The following SLC14A2 variants were observed in gnomAD, a reference collection of about 807,000 sequenced individuals.
SLC14A2 encodes solute carrier family 14 member 2.
In SLC14A2, 91 loss-of-function variants were observed where a neutral mutation model predicts 104.6. The observed-to-expected ratio is 0.87, with a 90% confidence interval of 0.73 to 1.04. The LOEUF (loss-of-function observed/expected upper bound fraction) is 1.04, where lower values mean the gene tolerates loss of function less well. Ranked by LOEUF, SLC14A2 falls within the 50% of genes least tolerant of loss-of-function variation. The pLI, the probability that SLC14A2 is intolerant of heterozygous loss-of-function variation, is 0.00. For missense variants in SLC14A2, 1,189 were observed against 1,156.0 expected (o/e 1.03, Z -0.41); for synonymous variants, 476 against 466.4 (o/e 1.02, Z -0.27).
chr18:45,168,863 T>G, the SLC14A2 span: 1 of 152,292 alleles, frequency 6.6e-6, no homozygotes, highest in East Asian at 1.9e-4. Context: ...TCTCCTGCTC[T>G]CTATATATTA....
chr18:45,353,023 TTTCA>T (rs995397514), intron 1 of SLC14A2, among the ~76,000 whole-genome samples: 4 of 152,310 alleles, frequency 2.6e-5, no homozygotes, highest in Admixed American at 2.6e-4. Flanking sequence ...TTGGCCTTTG[TTTCA>T]TTTGAATACA....
intron 1 of SLC14A2, among the ~76,000 whole-genome samples, chr18:45,394,712 G>A (rs139382651): frequency 6.7e-6 from 1 of 149,672 alleles, no homozygotes; most frequent in African/African-American, 2.4e-5. Flanking sequence ...TGGGTTTTTT[G>A]TTGTTGTTGT....
chr18:45,589,225 G>T (rs1249727238), intron 2 of SLC14A2, among the ~76,000 whole-genome samples: 1 of 151,120 alleles, frequency 6.6e-6, no homozygotes. Flanking sequence ...TATTTGTAGG[G>T]GATTTACTGC....
At chr18:45,193,709 T>A in the SLC14A2 span, among the ~76,000 whole-genome samples, 1 of 152,198 alleles carries the variant, frequency 6.6e-6, no homozygotes, top group Non-Finnish European at 1.5e-5. Flanking sequence ...TCTTTGTATT[T>A]CCAGACAAAT....
intron 19 of SLC14A2, 56 bp from the exon 20 acceptor site, chr18:45,682,263 T>C: frequency 3.3e-6 from 5 of 1,528,114 alleles, no homozygotes; most frequent in Non-Finnish European, 3.6e-6. Context: ...TAAGGGCTGA[T>C]TAAAATGCAC....
intron 1 of SLC14A2, among the ~76,000 whole-genome samples, chr18:45,257,823 C>G (rs1270682117): frequency 6.6e-6 from 1 of 152,100 alleles, no homozygotes; most frequent in Non-Finnish European, 1.5e-5. Context: ...GGATTTCTCC[C>G]AAGTTTCAAA....
chr18:45,444,637 T>C (rs2086734168), intron 1 of SLC14A2, among the ~76,000 whole-genome samples: 2 of 152,376 alleles, frequency 1.3e-5, no homozygotes, highest in Admixed American at 6.5e-5. Flanking sequence ...GTGAATATGA[T>C]GAATTAGGCT....
At chr18:45,627,241 C>A (rs143574279) in intron 4 of SLC14A2, 94 bp downstream of exon 4, 4 of 1,136,660 alleles carry the variant, frequency 3.5e-6, no homozygotes, top group African/African-American at 1.5e-5. Flanking sequence ...ACCCTCCCAG[C>A]CAGCCAAAGT....
intron 1 of SLC14A2, among the ~76,000 whole-genome samples, chr18:45,344,999 C>T (rs908102732): frequency 7.9e-5 from 12 of 152,158 alleles, no homozygotes; most frequent in African/African-American, 2.9e-4. Flanking sequence ...GCGTGCTGTC[C>T]CTGTGTCTCT....
chr18:45,623,308 G>A (rs1452022003), intron 1 of SLC14A2, among the ~76,000 whole-genome samples: 4 of 152,224 alleles, frequency 2.6e-5, no homozygotes, highest in Non-Finnish European at 5.9e-5. Flanking sequence ...GAAGGACAAG[G>A]ATCTGAGAAG....
intron 2 of SLC14A2, among the ~76,000 whole-genome samples, chr18:45,596,852 A>G (rs2044724230): frequency 6.6e-6 from 1 of 152,238 alleles, no homozygotes; most frequent in Admixed American, 6.5e-5. Flanking sequence ...GGCCTCACCA[A>G]GATGACACAA....
At chr18:45,593,383 C>T (rs1338355465) in intron 2 of SLC14A2, among the ~76,000 whole-genome samples, 1 of 151,634 alleles carries the variant, frequency 6.6e-6, no homozygotes. Flanking sequence ...TAGGCTAGAG[C>T]TCTCCCATCA....
intron 1 of SLC14A2, among the ~76,000 whole-genome samples, chr18:45,219,593 G>A (rs1346872965): frequency 2.0e-5 from 3 of 152,192 alleles, no homozygotes; most frequent in Admixed American, 2.0e-4. Context: ...TTGCAAAATA[G>A]CAAAGAGAGC....
intron 1 of SLC14A2, among the ~76,000 whole-genome samples, chr18:45,380,921 G>A (rs2085828027): frequency 6.6e-6 from 1 of 152,118 alleles, no homozygotes; most frequent in African/African-American, 2.4e-5. Context: ...GGATCAAAGT[G>A]GCAACACTTA....
chr18:45,189,717 C>G, the SLC14A2 span, among the ~76,000 whole-genome samples: 2 of 141,522 alleles, frequency 1.4e-5, no homozygotes, highest in East Asian at 3.9e-4. Flanking sequence ...TAAAGCAGTG[C>G]CTTAGTGGCA....
chr18:45,508,832 C>A (rs567752959), intron 2 of SLC14A2, among the ~76,000 whole-genome samples: 1 of 152,164 alleles, frequency 6.6e-6, no homozygotes, highest in African/African-American at 2.4e-5. Context: ...AATGCCTACT[C>A]CAGGGAATTA....
chr18:45,399,705 T>C (rs1402540362), intron 1 of SLC14A2, among the ~76,000 whole-genome samples: 1 of 152,132 alleles, frequency 6.6e-6, no homozygotes, highest in East Asian at 1.9e-4. Context: ...CTTTTTCAGA[T>C]CTTTCTTCTA....
chr18:45,602,653 C>A (rs938491335), intron 2 of SLC14A2, among the ~76,000 whole-genome samples: 1 of 152,170 alleles, frequency 6.6e-6, no homozygotes, highest in African/African-American at 2.4e-5. Flanking sequence ...AAACTCAGAC[C>A]CTTGCAAGAG....
intron 1 of SLC14A2, among the ~76,000 whole-genome samples, chr18:45,462,984 T>G (rs2087073011): frequency 6.6e-6 from 1 of 152,226 alleles, no homozygotes; most frequent in African/African-American, 2.4e-5. Flanking sequence ...GTATGTTAAC[T>G]TTTTGTTTCC....
Sources: allele counts gnomAD v4.1 joint callset (sites outside exome capture counted in the v4.1 genomes callset), GRCh38; gene constraint gnomAD v4.1.1; transcripts MANE v1.5; gene names NCBI Gene and HGNC (gene_info 2026-07-23, HGNC 2026-07-21).